IRAK2: variants seen among roughly 807,000 people sequenced by gnomAD.
IRAK2 encodes the protein interleukin-1 receptor-associated kinase-like 2.
A neutral mutation model predicts 72.0 loss-of-function variants in IRAK2; 57 were observed. That is an observed-to-expected ratio of 0.79 (90% CI 0.64 to 0.99). The LOEUF (loss-of-function observed/expected upper bound fraction) is 0.99, where lower values mean the gene tolerates loss of function less well. Ranked by LOEUF, IRAK2 falls within the 50% of genes least tolerant of loss-of-function variation. The pLI, the probability that IRAK2 is intolerant of heterozygous loss-of-function variation, is 0.00. For synonymous variants in IRAK2, 293 were observed against 312.7 expected, an observed-to-expected ratio of 0.94 and a Z score of 0.67; for missense variants, 790 against 794.4, an observed-to-expected ratio of 0.99 and a Z score of 0.07.
intron 2 of IRAK2, among the ~76,000 whole-genome samples, chr3:10,179,303 ACT>A (rs1318298764): frequency 1.0e-4 from 13 of 130,316 alleles, no homozygotes; most frequent in African/African-American, 3.3e-4. Context: ...ATGAAGTTTC[ACT>A]CTGTCTCCCA....
intron 10 of IRAK2, among the ~76,000 whole-genome samples, chr3:10,232,336 T>C (rs1358950535): frequency 5.3e-5 from 8 of 152,224 alleles, no homozygotes; most frequent in Admixed American, 3.3e-4. Flanking sequence ...CAGTTAGCAC[T>C]TGTGACTTGT....
intron 4 of IRAK2, among the ~76,000 whole-genome samples, chr3:10,210,388 G>A (rs1697499943): frequency 6.6e-6 from 1 of 152,032 alleles, no homozygotes; most frequent in East Asian, 1.9e-4. Flanking sequence ...CTCCAAAAAT[G>A]TATGACCATA....
rs569455317 is a variant in IRAK2 at position 10,209,571 on chromosome 3, A to C, written c.425-18A>C. 1 of 1,521,260 alleles carries C rather than the reference A, an allele frequency of 6.6e-7. No homozygotes were observed. The highest frequency in any genetic ancestry group is 2.3e-5 in the Admixed American group (1 of 44,230). 94.2% of individuals were successfully genotyped at this position (1,521,260 alleles called of 1,614,324 possible). On this transcript the variant is annotated intron_variant, in intron 3 of 12. Transcript: ENST00000256458. ...CCTCCCCGAGGCTGCATCCTGACCC[A>C]TAGTCCCTCCTTTCCAGGGTCCTCT...
At chr3:10,176,816 G>C (rs1440338143) in intron 1 of IRAK2, among the ~76,000 whole-genome samples, 1 of 132,712 alleles carries the variant, frequency 7.5e-6, no homozygotes, top group Non-Finnish European at 1.6e-5. Flanking sequence ...TCTTTTTTTT[G>C]TTTTGAGATG....
intron 2 of IRAK2, among the ~76,000 whole-genome samples, chr3:10,193,990 G>A (rs1559443955): frequency 1.3e-5 from 2 of 152,254 alleles, no homozygotes; most frequent in African/African-American, 2.4e-5. Context: ...TCGGAGGCCC[G>A]AGTTGGGAAT....
chr3:10,169,936 A>C (rs571628779), intron 1 of IRAK2, among the ~76,000 whole-genome samples: 4 of 152,336 alleles, frequency 2.6e-5, no homozygotes, highest in East Asian at 3.9e-4. Context: ...GGAACTGATA[A>C]ATGTCCATGA....
intron 1 of IRAK2, among the ~76,000 whole-genome samples, chr3:10,174,561 G>C (rs1696843627): frequency 6.6e-6 from 1 of 152,100 alleles, no homozygotes; most frequent in East Asian, 1.9e-4. Flanking sequence ...GTCTCACTCT[G>C]TTGCCCACGC....
chr3:10,214,332 C>A (rs370767454), intron 6 of IRAK2, among the ~76,000 whole-genome samples: 1 of 151,414 alleles, frequency 6.6e-6, no homozygotes, highest in Non-Finnish European at 1.5e-5. Context: ...GGCTGGTGAT[C>A]CTCCCACCTC....
intron 2 of IRAK2, among the ~76,000 whole-genome samples, chr3:10,188,106 C>A (rs1697107503): frequency 6.6e-6 from 1 of 152,094 alleles, no homozygotes; most frequent in Admixed American, 6.6e-5. Flanking sequence ...GGCTCCCAGG[C>A]AAAGGAGAAT....
rs1252918586 is a variant in IRAK2, at chr3:10,212,852, C to CTT, written c.529-355_529-354insTT. Among the ~76,000 whole-genome samples the CTT allele has an allele frequency of 6.8e-3, 1,023 of 151,344 alleles. 8 individuals carry two copies. Among genetic ancestry groups the CTT allele is most frequent in the Non-Finnish European group, 0.012 (795 of 67,844 alleles). Reference sequence around the variant, plus strand: ...CGATCTCGGCTCACTGCAAGCTCCGCCTCCTGGGTTCACCCCATTCTCCTG... The same window carrying CTT: ...CGATCTCGGCTCACTGCAAGCTCCGCTTCTCCTGGGTTCACCCCATTCTCCTG... On this transcript the variant is annotated intron_variant, in intron 4 of 12. Coordinates refer to ENST00000256458, the MANE Select transcript of IRAK2 (RefSeq NM_001570.4).
chr3:10,205,671 C>T (rs1385014405), intron 3 of IRAK2, among the ~76,000 whole-genome samples: 1 of 152,230 alleles, frequency 6.6e-6, no homozygotes, highest in Non-Finnish European at 1.5e-5. Context: ...CCCACACCTG[C>T]AGTGGTACAC....
chr3:10,189,663 A>G (rs1463520683), intron 2 of IRAK2, among the ~76,000 whole-genome samples: 1 of 152,188 alleles, frequency 6.6e-6, no homozygotes, highest in East Asian at 1.9e-4. Flanking sequence ...TGGGTTTGGC[A>G]TCTCGGCCAG....
chr3:10,198,639 C>T (rs1170024857), intron 2 of IRAK2, among the ~76,000 whole-genome samples: 7 of 152,160 alleles, frequency 4.6e-5, no homozygotes, highest in Non-Finnish European at 2.9e-5. Flanking sequence ...ATGCACGGTG[C>T]CATACCAGTG....
rs11465879 is a variant in IRAK2, at chr3:10,200,291, C to G, written c.278-78C>G. On this transcript the variant is annotated intron_variant, in intron 2 of 12. Coordinates refer to ENST00000256458, the MANE Select transcript of IRAK2 (RefSeq NM_001570.4). ...AGAGCCAGAATTAGAACCCAGGTCTCTGACTTCCAGAACCAGTCTCTCAAT... is the reference window on the plus strand; with the variant it reads ...AGAGCCAGAATTAGAACCCAGGTCTGTGACTTCCAGAACCAGTCTCTCAAT... 3.1e-3 allele frequency: 4,100 copies of G among 1,307,532 alleles called. 88 individuals are homozygous for G. The African/African-American group carries it at 0.055, about 18-fold the overall frequency. 81.0% of individuals were successfully genotyped at this position (1,307,532 alleles called of 1,614,324 possible).
intron 2 of IRAK2, among the ~76,000 whole-genome samples, chr3:10,199,526 G>A (rs766000243): frequency 1.7e-4 from 26 of 152,174 alleles, no homozygotes; most frequent in Non-Finnish European, 3.5e-4. Flanking sequence ...TCCATCAAGT[G>A]GGAAGGATGC....
chr3:10,191,511 C>T (rs918972898), intron 2 of IRAK2, among the ~76,000 whole-genome samples: 2 of 152,194 alleles, frequency 1.3e-5, no homozygotes, highest in Admixed American at 6.5e-5. Context: ...CTCACCTCTA[C>T]CACTTTCCCC....
intron 2 of IRAK2, among the ~76,000 whole-genome samples, 186 bp downstream of exon 2, chr3:10,178,206 C>G (rs1399204232): frequency 6.6e-6 from 1 of 152,090 alleles, no homozygotes. Flanking sequence ...GCCTGTAATC[C>G]CAGCACTTCC....
chr3:10,202,899 A>C (rs1697383458), intron 3 of IRAK2, among the ~76,000 whole-genome samples: 1 of 152,072 alleles, frequency 6.6e-6, no homozygotes, highest in Non-Finnish European at 1.5e-5. Flanking sequence ...TATGTTGCCC[A>C]GGCTGGTCTC....
At chr3:10,234,373 G>T in intron 10 of IRAK2, 86 bp from the exon 11 acceptor site, 35 of 1,077,432 alleles carry the variant, frequency 3.2e-5, no homozygotes, top group East Asian at 7.3e-5. Context: ...AGCATTTTTT[G>T]CAGCTCTGGA....
Sources: gnomAD v4.1 joint callset for allele counts (sites outside exome capture counted in the v4.1 genomes callset) on GRCh38, gnomAD v4.1.1 for gene constraint, MANE v1.5 for transcripts, NCBI Gene and HGNC (gene_info 2026-07-23, HGNC 2026-07-21) for gene names.